The following PSME4 variants were observed in gnomAD, a reference collection of about 807,000 sequenced individuals.
PSME4 encodes the protein proteasome activator subunit 4, also known as proteasome activator complex subunit 4.
Under a neutral mutation model 253.9 loss-of-function variants are expected in PSME4, and 89 were observed. The observed-to-expected ratio is 0.35, with a 90% CI of 0.30 to 0.42. The LOEUF (loss-of-function observed/expected upper bound fraction) is 0.42, where lower values mean the gene tolerates loss of function less well. Among genes scored for constraint, PSME4 ranks in the 10% least tolerant of loss-of-function variants. PSME4 has a pLI of 1.00. For missense variants in PSME4, 2,014 were observed against 2,195.2 expected (o/e 0.92, Z 1.65); for synonymous variants, 851 against 759.2 (o/e 1.12, Z -1.99).
chr2:53,941,425 G>C (rs1464049618), intron 3 of PSME4, among the ~76,000 whole-genome samples: 1 of 151,572 alleles, frequency 6.6e-6, no homozygotes, highest in Non-Finnish European at 1.5e-5. Flanking sequence ...GAAAATCTAA[G>C]TTTGCCCATT....
chr2:53,869,911 TATTTTTGTTAGTAACA>T (rs1233196005), intron 43 of PSME4: 2 of 155,490 alleles, frequency 1.3e-5, no homozygotes, highest in African/African-American at 4.8e-5. Context: ...CTGCTATAGC[TATTTTTGTTAGTAACA>T]AAGACACAGA....
At chr2:53,926,060 C>A (rs1448153502) in intron 12 of PSME4, 37 bp from the exon 13 acceptor site, 3 of 1,552,270 alleles carry the variant, frequency 1.9e-6, no homozygotes, top group African/African-American at 1.4e-5. Flanking sequence ...TTACATATAG[C>A]CTTTGTTTTT....
rs148785319 is a variant in PSME4, at chr2:53,905,721, G to A, written c.2943+877C>T. The stretch of plus-strand genomic sequence containing the variant: ...TTTAGAAAGCTGAGGTGAGACAATC[G>A]CTTGAGCTCAAGCTCAAGGCTTGAG... On this transcript the variant is annotated intron_variant, in intron 26 of 46. Coordinates refer to ENST00000404125, the MANE Select transcript of PSME4 (RefSeq NM_014614.3). 5.5e-3 allele frequency among the ~76,000 whole-genome samples: 836 copies of A among 152,230 alleles called. 9 individuals are homozygous for A. Among genetic ancestry groups the A allele is most frequent in the African/African-American group, 0.019 (792 of 41,540 alleles).
intron 20 of PSME4, among the ~76,000 whole-genome samples, chr2:53,918,872 T>C (rs1482332864): frequency 2.0e-5 from 3 of 152,198 alleles, no homozygotes; most frequent in Non-Finnish European, 4.4e-5. Flanking sequence ...TTTATCTTAA[T>C]TAACTCAGTA....
intron 2 of PSME4, 93 bp from the exon 3 acceptor site, chr2:53,948,630 T>C: frequency 1.2e-6 from 1 of 810,522 alleles, no homozygotes. Flanking sequence ...TAAACATTGC[T>C]GCTCATCACC....
chr2:53,944,771 G>C (rs550083582), intron 3 of PSME4, among the ~76,000 whole-genome samples: 1 of 152,032 alleles, frequency 6.6e-6, no homozygotes, highest in Non-Finnish European at 1.5e-5. Flanking sequence ...GTGAGTGTGG[G>C]GAGCTGAGGA....
At chr2:53,880,493 A>C (rs543854459) in intron 41 of PSME4, among the ~76,000 whole-genome samples, 2 of 152,280 alleles carry the variant, frequency 1.3e-5, no homozygotes, top group African/African-American at 4.8e-5. Context: ...TATCCTACAA[A>C]TATGCTCACA....
rs1394732080 is a variant in PSME4 at position 53,895,736 on chromosome 2, C to T, written c.3689G>A (p.Ser1230Asn). The change falls in exon 33 of 47, where the codon AGT becomes AAT. Residue 1230 changes from serine to asparagine, a missense_variant and splice_region_variant. Ser to Asn is a conservative substitution (Grantham distance 46). Coordinates refer to ENST00000404125, the MANE Select transcript of PSME4 (RefSeq NM_014614.3). ...AATTTGGGTGGGTTTAGGGCATCCA[C>T]CTAAGGAAAAGACAATCACATTTGA... is the stretch of plus-strand genomic sequence containing the variant. ...KKLTINPCEI[S>N]GCPKPTQIIA... 6.3e-7 allele frequency: 1 copy of T among 1,577,182 alleles called. No homozygotes were observed.
intron 4 of PSME4, 28 bp from the exon 5 acceptor site, chr2:53,937,568 T>C (rs1411306773): frequency 1.9e-6 from 3 of 1,598,842 alleles, no homozygotes; most frequent in South Asian, 2.2e-5. Flanking sequence ...TTTTCATGTA[T>C]CTGATTATTG....
At chr2:53,927,305 A>G in intron 12 of PSME4, 89 bp downstream of exon 12, 1 of 936,740 alleles carries the variant, frequency 1.1e-6, no homozygotes, top group Non-Finnish European at 1.7e-6. Flanking sequence ...TTTACTTCCA[A>G]AGTCGTTTCT....
In PSME4 at chr2:53,864,124, G is replaced by A. The variant is rs1046948946; in HGVS notation, c.*1454C>T. 1 of 152,152 alleles carries A rather than the reference G, an allele frequency of 6.6e-6. No individual in the cohort carries two copies. The highest frequency in any genetic ancestry group is 2.4e-5 in the African/African-American group (1 of 41,448). 9.4% of individuals were successfully genotyped at this position (152,152 alleles called of 1,614,324 possible). A position where few individuals can be genotyped will look rare whatever the true frequency, so the allele number is the denominator to read the frequency against. ...CTAGTTACACAACTGAAATCAGTTT[G>A]GCACTACTTTATACAGGGATTACGC... On this transcript the variant is annotated 3_prime_UTR_variant, in exon 47 of 47. Coordinates refer to ENST00000404125, the MANE Select transcript of PSME4 (RefSeq NM_014614.3).
At chr2:53,951,026 C>T (rs1411546911) in intron 1 of PSME4, among the ~76,000 whole-genome samples, 2 of 152,048 alleles carry the variant, frequency 1.3e-5, no homozygotes, top group Non-Finnish European at 2.9e-5. Context: ...ATTAGTATTC[C>T]TCGTAAGATC....
chr2:53,923,480 C>A, intron 14 of PSME4, 61 bp from the exon 15 acceptor site: 1 of 1,474,590 alleles, frequency 6.8e-7, no homozygotes, highest in East Asian at 2.5e-5. Context: ...TCTTACAGAA[C>A]ATAAAAGAAA....
chr2:53,914,863 G>A (rs890351434), intron 20 of PSME4, among the ~76,000 whole-genome samples: 4 of 152,122 alleles, frequency 2.6e-5, no homozygotes, highest in Non-Finnish European at 4.4e-5. Flanking sequence ...CCTGGGCAAC[G>A]AGTGAAACTT....
chr2:53,912,995 T>C (rs1282780675), intron 20 of PSME4, among the ~76,000 whole-genome samples: 1 of 152,200 alleles, frequency 6.6e-6, no homozygotes, highest in Non-Finnish European at 1.5e-5. Flanking sequence ...ATGTTAACAA[T>C]ATGTAAGTCA....
chr2:53,932,205 CTTA>C, intron 9 of PSME4, 105 bp from the exon 10 acceptor site: 2 of 1,004,092 alleles, frequency 2.0e-6, no homozygotes, highest in Non-Finnish European at 1.5e-6. Flanking sequence ...AATAACAGTT[CTTA>C]TTATCTTATT....
chr2:53,898,663 A>G (rs979340375), intron 29 of PSME4, among the ~76,000 whole-genome samples: 1 of 151,910 alleles, frequency 6.6e-6, no homozygotes, highest in Non-Finnish European at 1.5e-5. Flanking sequence ...ACACACACAC[A>G]CACACACACG....
intron 45 of PSME4, 61 bp from the exon 46 acceptor site, chr2:53,866,284 G>A: frequency 6.4e-7 from 1 of 1,550,784 alleles, no homozygotes; most frequent in Non-Finnish European, 8.8e-7. Flanking sequence ...TCATATGTAG[G>A]ATACTTTTAG....
chr2:53,901,494 G>C lies in PSME4; in HGVS notation c.3141C>G (p.Asp1047Glu). The change falls in exon 28 of 47, where the codon GAC becomes GAG. Residue 1047 changes from aspartate to glutamate, a missense_variant. Asp to Glu is a conservative substitution (Grantham distance 45, BLOSUM62 2). Coordinates refer to ENST00000404125, the MANE Select transcript of PSME4 (RefSeq NM_014614.3). ...TCGCTGGCCACGTCTGTACAATACA[G>C]TCCCAATCATGAAGGTTTGCCAAGC... Reference protein sequence around the residue: ...GVCLANLHDWDCIVQTWPAIV... With the variant: ...GVCLANLHDWECIVQTWPAIV... 6.2e-7 allele frequency: 1 copy of C among 1,613,920 alleles called. No homozygotes were observed. Among genetic ancestry groups the C allele is most frequent in the Non-Finnish European group, 8.5e-7 (1 of 1,179,918 alleles).
Sources: gnomAD v4.1 joint callset for allele counts (sites outside exome capture counted in the v4.1 genomes callset) on GRCh38, gnomAD v4.1.1 for gene constraint, MANE v1.5 for transcripts, NCBI Gene and HGNC (gene_info 2026-07-23, HGNC 2026-07-21) for gene names.